TLE1: variants seen among roughly 807,000 people sequenced by gnomAD.
TLE1 encodes transducin-like enhancer protein 1.
In TLE1, 21 loss-of-function variants were observed where a neutral mutation model predicts 89.8. The ratio of observed to expected loss-of-function variants is 0.23; its 90% CI spans 0.17 to 0.34. The LOEUF (loss-of-function observed/expected upper bound fraction) is 0.34, where lower values mean the gene tolerates loss of function less well. Ranked by LOEUF, TLE1 falls within the 10% of genes least tolerant of loss-of-function variation. The probability of loss-of-function intolerance (pLI) is 1.00; values close to 1 mark genes in which losing one functional copy is unlikely to be tolerated. For synonymous variants in TLE1, 447 were observed against 407.6 expected (o/e 1.10, Z -1.16); for missense variants, 795 against 1,031.2 (o/e 0.77, Z 3.14).
chr9:81,680,458 T>G lies in TLE1; in HGVS notation c.234+5218A>C, dbSNP rs533565917. ...TGGACATGTTGTTCCTTGAAGATTT[T>G]GGGGGCATTCCGTTTGAATTTTCAA... On this transcript the variant is annotated intron_variant, in intron 4 of 19. Coordinates refer to ENST00000376499, the MANE Select transcript of TLE1 (RefSeq NM_005077.5). Among the ~76,000 whole-genome samples, 13 of 152,322 alleles carry G rather than the reference T, an allele frequency of 8.5e-5. No individual in the cohort carries two copies. In the South Asian group the frequency reaches 2.7e-3, roughly 32 times the overall value.
At chr9:81,657,861 A>C (rs924055678) in intron 4 of TLE1, among the ~76,000 whole-genome samples, 3 of 152,032 alleles carry the variant, frequency 2.0e-5, no homozygotes, top group African/African-American at 7.2e-5. Context: ...TATTTAGGAA[A>C]TAATGACAAG....
chr9:81,677,556 C>T (rs1833052443), intron 4 of TLE1, among the ~76,000 whole-genome samples: 1 of 130,960 alleles, frequency 7.6e-6, no homozygotes, highest in African/African-American at 2.8e-5. Context: ...CAGAGCGAGA[C>T]TCCATCTCAA....
intron 14 of TLE1, chr9:81,599,813 T>C (rs569846985): frequency 8.7e-6 from 3 of 344,734 alleles, no homozygotes; most frequent in African/African-American, 6.2e-5. Flanking sequence ...GAGGGCTTTA[T>C]TAACAACTAA....
chr9:81,683,006 C>G (rs2133137587), intron 4 of TLE1, among the ~76,000 whole-genome samples: 1 of 152,280 alleles, frequency 6.6e-6, no homozygotes, highest in Admixed American at 6.5e-5. Flanking sequence ...GGCACCACAC[C>G]AGGAAAGGAA....
chr9:81,684,572 A>G (rs1329727629), intron 4 of TLE1, among the ~76,000 whole-genome samples: 3 of 152,274 alleles, frequency 2.0e-5, no homozygotes, highest in Non-Finnish European at 4.4e-5. Context: ...AATATAAGGA[A>G]GATCTGAAGG....
At chr9:81,627,768 C>T (rs1826080333) in intron 8 of TLE1, among the ~76,000 whole-genome samples, 2 of 152,148 alleles carry the variant, frequency 1.3e-5, no homozygotes, top group Non-Finnish European at 2.9e-5. Context: ...GCTGTGTCTA[C>T]TTTTGAGAAA....
At chr9:81,590,408 T>C (rs1022788984) in intron 16 of TLE1, among the ~76,000 whole-genome samples, 1 of 152,244 alleles carries the variant, frequency 6.6e-6, no homozygotes, top group African/African-American at 2.4e-5. Context: ...TGATTTTCTG[T>C]TATCTTTTAT....
At chr9:81,613,934 G>T (rs1338331909) in intron 11 of TLE1, among the ~76,000 whole-genome samples, 1 of 130,578 alleles carries the variant, frequency 7.7e-6, no homozygotes, top group Admixed American at 8.6e-5. Context: ...TTGAGATGGA[G>T]TCTCACTCTG....
In TLE1 at chr9:81,633,444, G is replaced by A. The variant is rs553180880; in HGVS notation, c.578-80C>T. 1.6e-5 allele frequency: 25 copies of A among 1,604,430 alleles called. No individual in the cohort carries two copies. In the South Asian group the frequency reaches 2.0e-4, roughly 13 times the overall value. On this transcript the variant is annotated intron_variant, in intron 7 of 19. Coordinates refer to ENST00000376499, the MANE Select transcript of TLE1 (RefSeq NM_005077.5). Reference sequence around the variant, plus strand: ...AAGAACAGAAATAAAAAAAAGGGGGGAATAATTAGAACACAAGCCCCAAAC... The same window carrying A: ...AAGAACAGAAATAAAAAAAAGGGGGAAATAATTAGAACACAAGCCCCAAAC...
At chr9:81,678,960 C>G (rs1278647510) in intron 4 of TLE1, among the ~76,000 whole-genome samples, 1 of 152,036 alleles carries the variant, frequency 6.6e-6, no homozygotes, top group Non-Finnish European at 1.5e-5. Context: ...GGACAACATG[C>G]AGAAACCCCA....
In TLE1 at chr9:81,585,067, C is replaced by T. The variant is rs866965826; in HGVS notation, c.2128+438G>A. Among the ~76,000 whole-genome samples, 3 of 152,170 alleles carry T rather than the reference C, an allele frequency of 2.0e-5. No homozygotes were observed. The South Asian group carries it at 6.2e-4, about 32-fold the overall frequency. ...ACAAGAAGGGTCACCACATGAACTT[C>T]TTCCCTCTTCATCCTCACTGTAGAG... On this transcript the variant is annotated intron_variant, in intron 18 of 19. Transcript: ENST00000376499.
chr9:81,664,620 T>C (rs1382825699), intron 4 of TLE1, among the ~76,000 whole-genome samples: 8 of 151,850 alleles, frequency 5.3e-5, no homozygotes, highest in Non-Finnish European at 1.0e-4. Context: ...CCAGCACTTT[T>C]GCGGGGCTGA....
chr9:81,595,079 G>C (rs1427911644), intron 14 of TLE1, among the ~76,000 whole-genome samples: 1 of 152,100 alleles, frequency 6.6e-6, no homozygotes, highest in Non-Finnish European at 1.5e-5. Context: ...GAATGAATAA[G>C]CACGTATAAT....
At chr9:81,643,664 A>T (rs1418986102) in intron 6 of TLE1, among the ~76,000 whole-genome samples, 1 of 152,020 alleles carries the variant, frequency 6.6e-6, no homozygotes, top group Non-Finnish European at 1.5e-5. Flanking sequence ...CCTCCTGAGT[A>T]GCTGGGACTA....
Position 81,685,813 on chromosome 9 carries a change from G to C in TLE1, c.189+20C>G, listed in dbSNP as rs1247976653. ...CTAATATCATATGAAAAAGGAAAAA[G>C]TCCAATCTTTGATACCTACCATCAC... On this transcript the variant is annotated intron_variant, in intron 3 of 19. Transcript: ENST00000376499. 1.2e-6 allele frequency: 2 copies of C among 1,613,852 alleles called. No homozygotes were observed. Among genetic ancestry groups the C allele is most frequent in the Non-Finnish European group, 1.7e-6 (2 of 1,179,840 alleles).
At chr9:81,669,311 G>GA (rs751128163) in intron 4 of TLE1, among the ~76,000 whole-genome samples, 2 of 152,194 alleles carry the variant, frequency 1.3e-5, no homozygotes, top group Non-Finnish European at 2.9e-5. Context: ...CTGTCTAATA[G>GA]ACATGTGGAT....
intron 8 of TLE1, 61 bp downstream of exon 8, chr9:81,633,287 C>CTGTGTGTGTGTGTGTGTGTGTG: frequency 6.7e-7 from 1 of 1,490,550 alleles, no homozygotes; most frequent in Admixed American, 1.9e-5. Flanking sequence ...CAGAAGGGGA[C>CTGTGTGTGTGTGTGTGTGTGTG]CGTGTGTGTG....
chr9:81,671,147 A>C (rs1160415889), intron 4 of TLE1, among the ~76,000 whole-genome samples: 3 of 152,094 alleles, frequency 2.0e-5, no homozygotes, highest in Non-Finnish European at 4.4e-5. Context: ...CAGCCTGGGC[A>C]ACAGAGTGAG....
At chr9:81,617,070 A>C (rs1463725196) in intron 9 of TLE1, among the ~76,000 whole-genome samples, 1 of 150,738 alleles carries the variant, frequency 6.6e-6, no homozygotes, top group South Asian at 2.1e-4. Context: ...GCACACCCTT[A>C]TATCAGAGTT....
Sources: gnomAD v4.1 joint callset for allele counts (sites outside exome capture counted in the v4.1 genomes callset) on GRCh38, gnomAD v4.1.1 for gene constraint, MANE v1.5 for transcripts, NCBI Gene and HGNC (gene_info 2026-07-23, HGNC 2026-07-21) for gene names.